Variants in COLGALT1 observed in about 807,000 individuals in gnomAD.
The protein encoded by COLGALT1 is collagen beta(1-O)galactosyltransferase 1, also known as procollagen galactosyltransferase 1.
In COLGALT1, 43 loss-of-function variants were observed where a neutral mutation model predicts 60.8. The ratio of observed to expected loss-of-function variants is 0.71; its 90% CI spans 0.55 to 0.91. COLGALT1 has a LOEUF of 0.91. COLGALT1 is among the 40% of genes least tolerant of loss of function. The pLI is 0.00. For missense variants in COLGALT1, 845 were observed against 880.0 expected, an observed-to-expected ratio of 0.96 and a Z score of 0.50; for synonymous variants, 369 against 374.2, an observed-to-expected ratio of 0.99 and a Z score of 0.16.
rs2076388743 is a variant in COLGALT1 at position 17,582,278 on chromosome 19, C to T, written c.*834C>T. ...TATTCAAGCACATATTGGTCACCTA[C>T]TGTGTGCCTGGCACTCATGTCACAA... On this transcript the variant is annotated 3_prime_UTR_variant, in exon 12 of 12. Coordinates refer to ENST00000252599, the MANE Select transcript of COLGALT1 (RefSeq NM_024656.4). 6.6e-6 allele frequency: 1 copy of T among 152,248 alleles called. No individual in the cohort carries two copies. The highest frequency in any genetic ancestry group is 1.5e-5 in the Non-Finnish European group (1 of 68,060). 9.4% of individuals were successfully genotyped at this position (152,248 alleles called of 1,614,324 possible). A position where few individuals can be genotyped will look rare whatever the true frequency, so the allele number is the denominator to read the frequency against.
chr19:17,580,716 G>C lies in COLGALT1; in HGVS notation c.1412G>C (p.Arg471Pro), dbSNP rs1297678804. 1 of 1,613,968 alleles carries C rather than the reference G, an allele frequency of 6.2e-7. No homozygotes were observed. Among genetic ancestry groups the C allele is most frequent in the South Asian group, 1.1e-5 (1 of 91,078 alleles). ...DWDLIYVGRK[R>P]MQVEHPEKAV... ...CACCCCAGCTATGTGGGCCGGAAGC[G>C]GATGCAGGTGGAGCACCCCGAGAAG... The change falls in exon 11 of 12, where the codon CGG becomes CCG. Residue 471 changes from arginine to proline, a missense_variant. Coordinates refer to ENST00000252599, the MANE Select transcript of COLGALT1 (RefSeq NM_024656.4).
intron 2 of COLGALT1, 77 bp from the exon 3 acceptor site, chr19:17,560,271 A>G: frequency 8.8e-7 from 1 of 1,136,456 alleles, no homozygotes; most frequent in South Asian, 1.3e-5. Context: ...CTCTCTGAGT[A>G]CCCCGAAGGC....
At chr19:17,578,135 T>A (rs763767290) in intron 9 of COLGALT1, 46 bp downstream of exon 9, 1 of 1,499,094 alleles carries the variant, frequency 6.7e-7, no homozygotes, top group South Asian at 1.3e-5. Context: ...ACTCTAGATC[T>A]CATCGGAGAT....
At chr19:17,576,795 C>T (rs1488977554) in intron 6 of COLGALT1, among the ~76,000 whole-genome samples, 3 of 44,426 alleles carry the variant, frequency 6.8e-5, no homozygotes, top group African/African-American at 2.9e-4. Context: ...CTGAGTGGTG[C>T]GGCTGGGGGG....
At chr19:17,559,815 TCTCA>T (rs891060273) in intron 2 of COLGALT1, among the ~76,000 whole-genome samples, 10 of 151,694 alleles carry the variant, frequency 6.6e-5, no homozygotes, top group African/African-American at 1.7e-4. Flanking sequence ...TGAGACAGGG[TCTCA>T]CTCCCTCACC....
intron 3 of COLGALT1, among the ~76,000 whole-genome samples, chr19:17,561,656 A>G (rs990925039): frequency 7.5e-6 from 1 of 132,474 alleles, no homozygotes; most frequent in Non-Finnish European, 1.6e-5. Context: ...AAAAAAAAAA[A>G]CAGACTTATA....
In COLGALT1 at chr19:17,581,332, G is replaced by C. The variant is rs1336985665; in HGVS notation, c.1757G>C (p.Trp586Ser). ...VWNNEHVKTD[W>S]DRAKSQKMRE... ...AACAATGAGCACGTCAAGACCGACT[G>C]GGACCGCGCCAAGTCCCAGAAGATG... Residue 586 changes from tryptophan to serine, a missense_variant, in exon 12 of 12, where the codon TGG becomes TCG. Trp to Ser is a radical substitution (Grantham distance 177). Coordinates refer to ENST00000252599, the MANE Select transcript of COLGALT1 (RefSeq NM_024656.4). 1.1e-5 allele frequency: 18 copies of C among 1,613,354 alleles called. No individual in the cohort carries two copies. Among genetic ancestry groups the C allele is most frequent in the Middle Eastern group, 3.3e-4 (2 of 6,084 alleles).
chr19:17,576,909 T>C (rs1187535418), intron 6 of COLGALT1, among the ~76,000 whole-genome samples: 1 of 28,870 alleles, frequency 3.5e-5, no homozygotes, highest in Non-Finnish European at 7.9e-5. Context: ...TAGCGGGGCC[T>C]TGGGCGCGGT....
Position 17,555,677 on chromosome 19 carries a change from C to T in COLGALT1, c.-37C>T, listed in dbSNP as rs1209685432. ...CCCTTTAAGGCGCGGCCAGAGTCCT[C>T]CCGCAGAAAAACGACTTAAAGGAGA... is the stretch of plus-strand genomic sequence containing the variant. On this transcript the variant is annotated 5_prime_UTR_variant, in exon 1 of 12. Transcript: ENST00000252599. The T allele has an allele frequency of 9.3e-6, 11 of 1,177,962 alleles. No individual in the cohort carries two copies. The highest frequency in any genetic ancestry group is 2.1e-6 in the Non-Finnish European group (2 of 953,926). 73.0% of individuals were successfully genotyped at this position (1,177,962 alleles called of 1,614,324 possible). A position where few individuals can be genotyped will look rare whatever the true frequency, so the allele number is the denominator to read the frequency against.
chr19:17,580,414 G>C, intron 10 of COLGALT1: 1 of 498,416 alleles, frequency 2.0e-6, no homozygotes, highest in South Asian at 2.2e-5. Flanking sequence ...ACTGTCCTCT[G>C]AACTCAGAGC....
rs1356339355 is a variant in COLGALT1, at chr19:17,581,853, C to T, written c.*409C>T. The T allele has an allele frequency of 5.1e-6, 1 of 197,040 alleles. No individual in the cohort carries two copies. Among genetic ancestry groups the T allele is most frequent in the Non-Finnish European group, 1.1e-5 (1 of 95,014 alleles). The allele number at this position is 197,040 out of a possible 1,614,324, so 12.2% of individuals were successfully genotyped here. On this transcript the variant is annotated 3_prime_UTR_variant, in exon 12 of 12. Coordinates refer to ENST00000252599, the MANE Select transcript of COLGALT1 (RefSeq NM_024656.4). Reference sequence around the variant, plus strand: ...GTGATACACATTCATTTTTAAAATTCATTCAAGGATTTATTGAGTGCCTAC... The same window carrying T: ...GTGATACACATTCATTTTTAAAATTTATTCAAGGATTTATTGAGTGCCTAC...
chr19:17,578,213 C>T (rs1023422320), intron 9 of COLGALT1, 124 bp downstream of exon 9: 27 of 1,080,046 alleles, frequency 2.5e-5, no homozygotes, highest in Non-Finnish European at 3.4e-5. Flanking sequence ...AGCCATGGGA[C>T]CCATGGCCTC....
chr19:17,578,011 C>T lies in COLGALT1; in HGVS notation c.1188C>T (p.Tyr396=). ...TGGGGATCCAGATGCTGCCTGGCTA[C>T]CGGGACCCCTACCACGGCCGGCCCC... ...EALGIQMLPG[Y]RDPYHGRPLT... is the part of the protein sequence containing the mutation. Residue 396 remains tyrosine, a synonymous_variant, in exon 9 of 12, where the codon TAC becomes TAT. Coordinates refer to ENST00000252599, the MANE Select transcript of COLGALT1 (RefSeq NM_024656.4). 6.2e-7 allele frequency: 1 copy of T among 1,612,754 alleles called. No individual in the cohort carries two copies. The highest frequency in any genetic ancestry group is 8.5e-7 in the Non-Finnish European group (1 of 1,179,626).
intron 3 of COLGALT1, among the ~76,000 whole-genome samples, chr19:17,563,784 G>C (rs1032964711): frequency 1.3e-5 from 2 of 152,122 alleles, no homozygotes; most frequent in Non-Finnish European, 2.9e-5. Flanking sequence ...GTGAGCCACT[G>C]CGCCTGGTCA....
Position 17,576,994 on chromosome 19 carries a change from G to A in COLGALT1, c.950-201G>A, listed in dbSNP as rs1188375510. On this transcript the variant is annotated intron_variant, in intron 6 of 11. Coordinates refer to ENST00000252599, the MANE Select transcript of COLGALT1 (RefSeq NM_024656.4). ...GGGGTGAAGCTGGGGCCTGGGGTGT[G>A]GCCAGGGCTTTGGGCTGCTGTGCAG... is the stretch of plus-strand genomic sequence containing the variant. 5.0e-5 allele frequency: 30 copies of A among 600,782 alleles called. No homozygotes were observed. In the East Asian group the frequency reaches 7.4e-4, roughly 15 times the overall value. The allele number at this position is 600,782 out of a possible 1,614,324, so 37.2% of individuals were successfully genotyped here.
chr19:17,564,886 C>T (rs1380796423), intron 3 of COLGALT1, among the ~76,000 whole-genome samples: 1 of 152,160 alleles, frequency 6.6e-6, no homozygotes, highest in Non-Finnish European at 1.5e-5. Flanking sequence ...TCAGCAGTCA[C>T]TCCCCAACTC....
chr19:17,559,203 C>A, intron 1 of COLGALT1, 108 bp from the exon 2 acceptor site: 1 of 741,802 alleles, frequency 1.3e-6, no homozygotes, highest in South Asian at 1.5e-5. Flanking sequence ...TCCAGGGATA[C>A]ATAGCTGGTG....
chr19:17,577,006 G>GAGAGGCAGGACT, intron 6 of COLGALT1, 189 bp from the exon 7 acceptor site: 1 of 606,640 alleles, frequency 1.6e-6, no homozygotes, highest in East Asian at 2.8e-5. Flanking sequence ...CCAGGGCTTT[G>GAGAGGCAGGACT]GGCTGCTGTG....
chr19:17,572,599 A>T lies in COLGALT1; in HGVS notation c.946A>T (p.Met316Leu). The T allele has an allele frequency of 1.9e-6, 3 of 1,613,894 alleles. No homozygotes were observed. The highest frequency in any genetic ancestry group is 1.7e-6 in the Non-Finnish European group (2 of 1,180,016). ...ESFMHVQLEVMVKHPPAEPSR... is the reference protein window; with the variant it reads ...ESFMHVQLEVLVKHPPAEPSR... The stretch of plus-strand genomic sequence containing the variant: ...CTTCATGCATGTGCAGCTGGAGGTC[A>T]TGGGTGAGTCTGCCTGCACACCGCC... The change falls in exon 6 of 12, where the codon ATG (methionine) becomes TTG (leucine). Residue 316 changes from methionine to leucine, a missense_variant. Met to Leu is a conservative substitution (Grantham distance 15, BLOSUM62 2). Transcript: ENST00000252599.
Sources: allele counts gnomAD v4.1 joint callset (sites outside exome capture counted in the v4.1 genomes callset), GRCh38; gene constraint gnomAD v4.1.1; transcripts MANE v1.5; gene names NCBI Gene and HGNC (gene_info 2026-07-23, HGNC 2026-07-21).